The following ACSF3 variants were observed in gnomAD, a reference collection of about 807,000 sequenced individuals.
The protein encoded by ACSF3 is malonate--CoA ligase ACSF3, mitochondrial.
A neutral mutation model predicts 53.2 loss-of-function variants in ACSF3; 78 were observed. That is an observed-to-expected ratio of 1.47 (90% confidence interval 1.22 to 1.77). The LOEUF is 1.77. Ranked by LOEUF, ACSF3 falls within the 40% of genes most tolerant of loss-of-function variation. The pLI, the probability that ACSF3 is intolerant of heterozygous loss-of-function variation, is 0.00. For synonymous variants in ACSF3, 414 were observed against 333.1 expected, an observed-to-expected ratio of 1.24 and a Z score of -2.65; for missense variants, 937 against 771.1, an observed-to-expected ratio of 1.22 and a Z score of -2.55.
chr16:89,125,933 G>A (rs28630602), intron 7 of ACSF3, among the ~76,000 whole-genome samples: 4 of 70,680 alleles, frequency 5.7e-5, no homozygotes, highest in African/African-American at 2.2e-4. Context: ...CTCCATTTAC[G>A]TAGATCCGTG....
At position 89,134,771 on chromosome 16, in the gene ACSF3, G is replaced by A. The variant is rs542718926; in HGVS notation, c.1366+1509G>A. Among the ~76,000 whole-genome samples the A allele has an allele frequency of 6.3e-4, 96 of 152,252 alleles. 2 individuals carry two copies. The highest frequency in any genetic ancestry group is 1.3e-3 in the Admixed American group (20 of 15,292). ...AGCTCGCTTTACTACCTGACTGGTC[G>A]GGTGTGAGCTAAGTTGCAAGCCCCC... On this transcript the variant is annotated intron_variant, in intron 8 of 10. Coordinates refer to ENST00000614302, the MANE Select transcript of ACSF3 (RefSeq NM_001243279.3).
chr16:89,112,116 G>A lies in ACSF3; in HGVS notation c.847G>A (p.Glu283Lys). 9.1e-7 allele frequency: 1 copy of A among 1,097,008 alleles called. No homozygotes were observed. Among genetic ancestry groups the A allele is most frequent in the Non-Finnish European group, 1.1e-6 (1 of 880,106 alleles). 68.0% of individuals were successfully genotyped at this position (1,097,008 alleles called of 1,614,324 possible). Residue 283 changes from glutamate to lysine, a missense_variant, in exon 5 of 11, where the codon GAA becomes AAA. Transcript: ENST00000614302. ...QQVWEKFLSS[E>K]TPRINVFMAV... The stretch of plus-strand genomic sequence containing the variant: ...GGTTTGGGAAAAGTTCTTAAGTTCT[G>A]AAACGCCGCGGATCAATGTCTTTAT...
chr16:89,105,250 C>G (rs1975830722), intron 4 of ACSF3, among the ~76,000 whole-genome samples: 1 of 152,232 alleles, frequency 6.6e-6, no homozygotes, highest in South Asian at 2.1e-4. Flanking sequence ...GCTGCCTCAT[C>G]TGCGTGGTCC....
chr16:89,119,955 G>C (rs769968269), intron 6 of ACSF3, among the ~76,000 whole-genome samples: 7 of 152,250 alleles, frequency 4.6e-5, no homozygotes, highest in Admixed American at 1.3e-4. Context: ...ACGCAGGCCA[G>C]GGCAAAGGCC....
At chr16:89,126,761 T>C (rs958032205) in intron 7 of ACSF3, among the ~76,000 whole-genome samples, 18 of 152,358 alleles carry the variant, frequency 1.2e-4, no homozygotes, top group African/African-American at 4.1e-4. Context: ...ACAAACAGTT[T>C]TATTTCTTCC....
chr16:89,118,829 C>T (rs1185978590), intron 6 of ACSF3, among the ~76,000 whole-genome samples: 1 of 152,206 alleles, frequency 6.6e-6, no homozygotes, highest in Non-Finnish European at 1.5e-5. Context: ...TGGCTGACAG[C>T]GATTTTAGAG....
At chr16:89,102,363 G>C (rs1324317784) in intron 3 of ACSF3, 1 of 572,586 alleles carries the variant, frequency 1.7e-6, no homozygotes, top group Non-Finnish European at 3.2e-6. Context: ...ATTCCCTAAA[G>C]CCTCTGGCTG....
intron 10 of ACSF3, chr16:89,151,418 G>A (rs1914063855): frequency 9.2e-6 from 3 of 324,766 alleles, no homozygotes; most frequent in African/African-American, 2.2e-5. Context: ...GCACTACCCT[G>A]AAATCAAAAC....
rs1424758800 is a variant in ACSF3 at position 89,155,941 on chromosome 16, C to G, written c.*1734C>G. The stretch of plus-strand genomic sequence containing the variant: ...AAGCCTGGAGCTCATTGACCAGAAA[C>G]TGCAGAGAGCCTGGAGCTCGTTGAC... On this transcript the variant is annotated 3_prime_UTR_variant, in exon 11 of 11. Transcript: ENST00000614302. The G allele has an allele frequency of 2.7e-6, 1 of 365,752 alleles. No individual in the cohort carries two copies. The highest frequency in any genetic ancestry group is 7.2e-5 in the East Asian group (1 of 13,806). The allele number at this position is 365,752 out of a possible 1,614,324, so 22.7% of individuals were successfully genotyped here.
rs200703917 is a variant in ACSF3 at position 89,101,039 on chromosome 16, G to T, written c.358G>T (p.Gly120Cys). The T allele has an allele frequency of 1.2e-6, 2 of 1,613,860 alleles. No individual in the cohort carries two copies. Among genetic ancestry groups the T allele is most frequent in the Non-Finnish European group, 1.7e-6 (2 of 1,179,956 alleles). ...VAQWASWMSG[G>C]VAVPLYRKHP... ...CCAGTGGGCGTCATGGATGAGTGGCGGTGTGGCAGTCCCCCTCTACAGGAA... is the reference window on the plus strand; with the variant it reads ...CCAGTGGGCGTCATGGATGAGTGGCTGTGTGGCAGTCCCCCTCTACAGGAA... Residue 120 changes from glycine to cysteine, a missense_variant, in exon 3 of 11, where the codon GGT becomes TGT. Transcript: ENST00000614302.
At chr16:89,109,725 T>TGGG (rs1976468242) in intron 4 of ACSF3, among the ~76,000 whole-genome samples, 1 of 152,130 alleles carries the variant, frequency 6.6e-6, no homozygotes, top group African/African-American at 2.4e-5. Context: ...ATGTTGAGCA[T>TGGG]TTTTTGTGTT....
intron 8 of ACSF3, among the ~76,000 whole-genome samples, chr16:89,134,082 A>T (rs1014501337): frequency 1.3e-5 from 2 of 152,186 alleles, no homozygotes; most frequent in African/African-American, 4.8e-5. Context: ...ACGTATATGG[A>T]TGGACATTTG....
chr16:89,143,745 G>A (rs1912340314), intron 8 of ACSF3, among the ~76,000 whole-genome samples: 3 of 152,270 alleles, frequency 2.0e-5, no homozygotes, highest in African/African-American at 7.2e-5. Flanking sequence ...GGAGCCTCTG[G>A]TTTTTCTGCT....
At chr16:89,144,009 C>T (rs375612086) in intron 8 of ACSF3, among the ~76,000 whole-genome samples, 50 of 152,358 alleles carry the variant, frequency 3.3e-4, no homozygotes, top group African/African-American at 1.1e-3. Context: ...CAGCACTGCC[C>T]TTACATGCCC....
chr16:89,147,999 C>T (rs1913423485), intron 10 of ACSF3: 1 of 151,618 alleles, frequency 6.6e-6, no homozygotes, highest in Admixed American at 6.6e-5. Context: ...ACACCAGTGC[C>T]AAAAGAGAGC....
chr16:89,148,342 C>T (rs1010563017), intron 10 of ACSF3: 7 of 152,124 alleles, frequency 4.6e-5, no homozygotes, highest in Non-Finnish European at 8.8e-5. Flanking sequence ...TCAAGTGATC[C>T]ACCTGCCTCA....
At chr16:89,111,042 C>T (rs1486868862) in intron 4 of ACSF3, among the ~76,000 whole-genome samples, 4 of 152,306 alleles carry the variant, frequency 2.6e-5, no homozygotes, top group African/African-American at 7.2e-5. Flanking sequence ...TGATTTTTTG[C>T]AGTTCCACTT....
At chr16:89,103,752 C>T (rs1160625173) in intron 4 of ACSF3, among the ~76,000 whole-genome samples, 1 of 152,202 alleles carries the variant, frequency 6.6e-6, no homozygotes, top group Non-Finnish European at 1.5e-5. Context: ...AGCTGAAGGG[C>T]TGCTGTGGAG....
At chr16:89,115,873 CT>C (rs1282486357) in intron 6 of ACSF3, among the ~76,000 whole-genome samples, 1 of 152,202 alleles carries the variant, frequency 6.6e-6, no homozygotes, top group African/African-American at 2.4e-5. Flanking sequence ...GTTTTGAGAG[CT>C]TTTAAAATTC....
Sources: allele counts gnomAD v4.1 joint callset (sites outside exome capture counted in the v4.1 genomes callset), GRCh38; gene constraint gnomAD v4.1.1; transcripts MANE v1.5; gene names NCBI Gene and HGNC (gene_info 2026-07-23, HGNC 2026-07-21).